Variants in SH3KBP1 observed in about 807,000 individuals in gnomAD.
SH3KBP1 encodes the protein SH3 domain containing kinase binding protein 1, also known as SH3 domain-containing kinase-binding protein 1.
In SH3KBP1, 8 loss-of-function variants were observed where a neutral mutation model predicts 50.1. The observed-to-expected ratio is 0.16, with a 90% CI of 0.09 to 0.29. The LOEUF is 0.29. SH3KBP1 is among the 10% of genes least tolerant of loss of function. SH3KBP1 has a pLI of 1.00. For synonymous variants in SH3KBP1, 227 were observed against 218.6 expected (o/e 1.04, Z -0.34); for missense variants, 377 against 535.2 (o/e 0.70, Z 2.92).
chrX:19,608,740 A>C (rs1229005680), intron 8 of SH3KBP1, among the ~76,000 whole-genome samples: 1 of 112,647 alleles, frequency 8.9e-6, no homozygotes, highest in Non-Finnish European at 1.9e-5. Context: ...CCTGTCACAA[A>C]GCTTGTCAAT....
intron 1 of SH3KBP1, among the ~76,000 whole-genome samples, chrX:19,874,048 C>CAA (rs55948760): frequency 3.4e-4 from 9 of 26,277 alleles, no homozygotes; most frequent in Non-Finnish European, 5.2e-4. Flanking sequence ...GAGTCCATCT[C>CAA]AAAAAAAAAA....
chrX:19,746,477 T>C, intron 2 of SH3KBP1, 36 bp from the exon 3 acceptor site: 1 of 1,168,355 alleles, frequency 8.6e-7, no homozygotes, highest in South Asian at 1.9e-5. Flanking sequence ...AAGATTATAG[T>C]TTGAAACTTT....
At chrX:19,774,694 G>GAAAGAA in intron 2 of SH3KBP1, among the ~76,000 whole-genome samples, 1 of 97,592 alleles carries the variant, frequency 1.0e-5, no homozygotes, top group African/African-American at 4.2e-5. Context: ...AAGAAAGAAA[G>GAAAGAA]AAAGAAAGAA....
At chrX:19,685,301 G>A (rs1382428435) in intron 5 of SH3KBP1, among the ~76,000 whole-genome samples, 1 of 112,563 alleles carries the variant, frequency 8.9e-6, no homozygotes, top group Non-Finnish European at 1.9e-5. Context: ...CTCAGTGCAG[G>A]AAGAAACTGT....
intron 5 of SH3KBP1, chrX:19,687,704 G>A (rs765384685): frequency 1.7e-6 from 2 of 1,170,613 alleles, no homozygotes; most frequent in East Asian, 3.0e-5. Flanking sequence ...GACAGTGAAT[G>A]AGAGAAGAGA....
intron 6 of SH3KBP1, among the ~76,000 whole-genome samples, chrX:19,667,421 C>A (rs2062625421): frequency 9.0e-6 from 1 of 111,113 alleles, no homozygotes; most frequent in Non-Finnish European, 1.9e-5. Context: ...GCTAGGAGTT[C>A]AAAACCTGTC....
chrX:19,823,132 G>A (rs2067573817), intron 2 of SH3KBP1, among the ~76,000 whole-genome samples: 1 of 111,254 alleles, frequency 9.0e-6, no homozygotes, highest in Non-Finnish European at 1.9e-5. Context: ...GCCTACCACT[G>A]CTGAGTGGGA....
Position 19,788,288 on chromosome X carries a change from A to C in SH3KBP1, c.163-41847T>G, listed in dbSNP as rs1187862796. On this transcript the variant is annotated intron_variant, in intron 2 of 17. Coordinates refer to ENST00000397821, the MANE Select transcript of SH3KBP1 (RefSeq NM_031892.3). ...TATCTCCAAAAAAAAAAAAAAAACA[A>C]AAAAAAAAAACACAAAAATGAAGAA... Among the ~76,000 whole-genome samples, 3 of 105,650 alleles carry C rather than the reference A, an allele frequency of 2.8e-5. No homozygotes were observed. The Admixed American group carries it at 3.0e-4, about 11-fold the overall frequency. 91.7% of individuals were successfully genotyped at this position (105,650 alleles called of 115,157 possible). A position where few individuals can be genotyped will look rare whatever the true frequency, so the allele number is the denominator to read the frequency against.
intron 8 of SH3KBP1, among the ~76,000 whole-genome samples, chrX:19,609,306 T>C (rs1042476893): frequency 8.9e-6 from 1 of 111,794 alleles, no homozygotes; most frequent in African/African-American, 3.3e-5. Context: ...CAACGCTTCC[T>C]GCCCAGTATA....
intron 12 of SH3KBP1, chrX:19,588,225 C>A: frequency 1.6e-6 from 1 of 610,968 alleles, no homozygotes; most frequent in Non-Finnish European, 2.3e-6. Context: ...CCCTGCAGAG[C>A]AGTGAGGGTC....
chrX:19,729,829 CAT>C (rs2064322107), intron 3 of SH3KBP1, among the ~76,000 whole-genome samples: 1 of 111,675 alleles, frequency 9.0e-6, no homozygotes, highest in African/African-American at 3.3e-5. Context: ...GTGAATTGCA[CAT>C]GAGTTCTGTG....
Position 19,536,242 on chromosome X carries a change from A to G in SH3KBP1, c.*175T>C. ...GCCCCAGGACTAAACCCTGGGGAAGATTCTCCTCTTGGATGGAATTTGTGT... is the reference window on the plus strand; with the variant it reads ...GCCCCAGGACTAAACCCTGGGGAAGGTTCTCCTCTTGGATGGAATTTGTGT... On this transcript the variant is annotated 3_prime_UTR_variant, in exon 18 of 18. Coordinates refer to ENST00000397821, the MANE Select transcript of SH3KBP1 (RefSeq NM_031892.3). The G allele has an allele frequency of 2.6e-6, 1 of 380,078 alleles. No individual in the cohort carries two copies. The highest frequency in any genetic ancestry group is 4.7e-6 in the Non-Finnish European group (1 of 213,581). 31.3% of individuals were successfully genotyped at this position (380,078 alleles called of 1,213,427 possible).
intron 2 of SH3KBP1, among the ~76,000 whole-genome samples, chrX:19,754,255 A>C (rs2065146337): frequency 1.8e-5 from 2 of 112,004 alleles, no homozygotes; most frequent in African/African-American, 6.5e-5. Context: ...CTGGACAAAA[A>C]TGAGAACGAC....
intron 6 of SH3KBP1, among the ~76,000 whole-genome samples, chrX:19,675,978 A>G (rs758480300): frequency 8.9e-6 from 1 of 111,823 alleles, no homozygotes; most frequent in East Asian, 2.8e-4. Flanking sequence ...GAGAAGCCAA[A>G]GTCTGAAAAT....
chrX:19,841,006 G>T (rs931016212), intron 1 of SH3KBP1, among the ~76,000 whole-genome samples: 2 of 111,868 alleles, frequency 1.8e-5, no homozygotes, highest in Non-Finnish European at 3.8e-5. Context: ...GATCTGCTTA[G>T]AAATGCAAAA....
chrX:19,743,834 A>G (rs995280641), intron 3 of SH3KBP1, among the ~76,000 whole-genome samples: 1 of 112,913 alleles, frequency 8.9e-6, no homozygotes, highest in Non-Finnish European at 1.9e-5. Flanking sequence ...ATAGATGTCA[A>G]TCTTTCATTA....
chrX:19,883,527 G>A lies in SH3KBP1; in HGVS notation c.4+3780C>T, dbSNP rs143566610. ...GCCATTTTCCTCCCCCACTGCCTCC[G>A]ATTCCCTGCCCCTGCCTGTCACATA... On this transcript the variant is annotated intron_variant, in intron 1 of 17. Transcript: ENST00000397821. Among the ~76,000 whole-genome samples, 11 of 111,642 alleles carry A rather than the reference G, an allele frequency of 9.9e-5. No individual in the cohort carries two copies. The East Asian group carries it at 1.1e-3, about 11-fold the overall frequency.
At chrX:19,609,568 A>G (rs1399986616) in intron 8 of SH3KBP1, among the ~76,000 whole-genome samples, 1 of 112,004 alleles carries the variant, frequency 8.9e-6, no homozygotes, top group Non-Finnish European at 1.9e-5. Context: ...GAAAGAGAGG[A>G]GATCATGTTC....
chrX:19,572,386 T>C (rs184943992), intron 12 of SH3KBP1, among the ~76,000 whole-genome samples: 6 of 98,929 alleles, frequency 6.1e-5, no homozygotes, highest in African/African-American at 1.6e-4. Flanking sequence ...TTATATATAG[T>C]ACATACATAT....
Sources: gnomAD v4.1 joint callset for allele counts (sites outside exome capture counted in the v4.1 genomes callset) on GRCh38, gnomAD v4.1.1 for gene constraint, MANE v1.5 for transcripts, NCBI Gene and HGNC (gene_info 2026-07-23, HGNC 2026-07-21) for gene names.